Variants in ANK1 observed in about 807,000 individuals in gnomAD.
ANK1 encodes the protein ankyrin 1, also known as ankyrin-1.
Under a neutral mutation model 210.4 loss-of-function variants are expected in ANK1, and 51 were observed. The ratio of observed to expected loss-of-function variants is 0.24; its 90% CI spans 0.19 to 0.31. ANK1 has a LOEUF of 0.31. Ranked by LOEUF, ANK1 falls within the 10% of genes least tolerant of loss-of-function variation. ANK1 has a pLI of 1.00. For synonymous variants in ANK1, 967 were observed against 1,025.9 expected (o/e 0.94, Z 1.10); for missense variants, 2,051 against 2,504.4 (o/e 0.82, Z 3.86).
rs141069023 is a variant in ANK1, at chr8:41,696,698, C to G, written c.2713G>C (p.Val905Leu). ...CACCCTGTATGCACCGGGCTGGCCACCGGGCTGATGTTGTCTGAGGTCTCG... is the reference window on the plus strand; with the variant it reads ...CACCCTGTATGCACCGGGCTGGCCAGCGGGCTGATGTTGTCTGAGGTCTCG... ...ATETSDNISP[V>L]ASPVHTGFLV... Residue 905 changes from valine to leucine, a missense_variant, in exon 25 of 43, where the codon GTG becomes CTG. Val to Leu is a conservative substitution (Grantham distance 32). Around this residue, in one of 6 missense-constraint regions of ANK1, gnomAD observed 1,413 missense variants for 1,707.4 expected, o/e 0.83. Transcript: ENST00000289734. 6.2e-7 allele frequency: 1 copy of G among 1,603,504 alleles called. No individual in the cohort carries two copies. Among genetic ancestry groups the G allele is most frequent in the Non-Finnish European group, 8.5e-7 (1 of 1,179,920 alleles).
chr8:41,752,882 G>A (rs969102463), intron 2 of ANK1, among the ~76,000 whole-genome samples: 9 of 151,248 alleles, frequency 6.0e-5, no homozygotes, highest in Non-Finnish European at 1.0e-4. Context: ...CCCTGATCAC[G>A]TCACTCCTGT....
At chr8:41,808,619 C>T (rs767043665) in intron 1 of ANK1, among the ~76,000 whole-genome samples, 3 of 152,050 alleles carry the variant, frequency 2.0e-5, no homozygotes, top group Admixed American at 6.5e-5. Context: ...GAGTCAATAT[C>T]GTGCCCACTG....
chr8:41,815,333 T>C (rs1018453544), intron 1 of ANK1, among the ~76,000 whole-genome samples: 9 of 152,168 alleles, frequency 5.9e-5, no homozygotes, highest in African/African-American at 2.2e-4. Flanking sequence ...CACTATCTCT[T>C]ATTAAGACTA....
chr8:41,889,338 T>C (rs1359616872), intron 1 of ANK1, among the ~76,000 whole-genome samples: 2 of 152,204 alleles, frequency 1.3e-5, no homozygotes, highest in East Asian at 3.8e-4. Flanking sequence ...TGACAATGCA[T>C]GTCATGCACG....
At chr8:41,737,110 A>G (rs1025870) in intron 2 of ANK1, among the ~76,000 whole-genome samples, 66,533 of 152,054 alleles carry the variant, frequency 0.44, 16,760 homozygotes, top group South Asian at 0.59. Flanking sequence ...ACCAGCCGGG[A>G]CAGCATGGAG....
chr8:41,750,081 A>G (rs1252731169), intron 2 of ANK1, among the ~76,000 whole-genome samples: 1 of 152,260 alleles, frequency 6.6e-6, no homozygotes, highest in East Asian at 1.9e-4. Flanking sequence ...CGTAATTATC[A>G]CCATCACCAG....
Position 41,703,439 on chromosome 8 carries a change from TATATATATA to T in ANK1, c.2295+593_2295+601del, listed in dbSNP as rs1321732264. Among the ~76,000 whole-genome samples, 55 of 73,038 alleles carry T rather than the reference TATATATATA, an allele frequency of 7.5e-4. 2 individuals are homozygous for T. Among genetic ancestry groups the T allele is most frequent in the African/African-American group, 2.5e-3 (53 of 20,796 alleles). 47.9% of individuals were successfully genotyped at this position (73,038 alleles called of 152,430 possible). A position where few individuals can be genotyped will look rare whatever the true frequency, so the allele number is the denominator to read the frequency against. Reference sequence around the variant, plus strand: ...GTGTGTGTGTATATATATATATATATATATATATATATTTTTTTTTTTTTTTTAAGACAC... The same window carrying T: ...GTGTGTGTGTATATATATATATATATTATTTTTTTTTTTTTTTTAAGACAC... On this transcript the variant is annotated intron_variant, in intron 20 of 42. Coordinates refer to ENST00000289734, the MANE Select transcript of ANK1 (RefSeq NM_000037.4).
intron 1 of ANK1, among the ~76,000 whole-genome samples, chr8:41,895,310 A>C (rs551860171): frequency 6.6e-6 from 1 of 151,460 alleles, no homozygotes; most frequent in Non-Finnish European, 1.5e-5. Context: ...CTTCGGGTGA[A>C]AATAGCTCTC....
rs1822994728 is a variant in ANK1 at position 41,702,093 on chromosome 8, T to C, written c.2347A>G (p.Thr783Ala). The change falls in exon 21 of 43, where the codon ACC (threonine) becomes GCC (alanine). Residue 783 changes from threonine to alanine, a missense_variant. Around this residue, in one of 6 missense-constraint regions of ANK1, gnomAD observed 1,413 missense variants for 1,707.4 expected, o/e 0.83. Coordinates refer to ENST00000289734, the MANE Select transcript of ANK1 (RefSeq NM_000037.4). ...TCCGTGACGACCTTGAGCACGTCGG[T>C]GACAGAAATGTAGCCCAAGCGCTTG... ...IAKRLGYISVTDVLKVVTDET... is the reference protein window; with the variant it reads ...IAKRLGYISVADVLKVVTDET... 1.2e-6 allele frequency: 2 copies of C among 1,614,138 alleles called. No individual in the cohort carries two copies. Among genetic ancestry groups the C allele is most frequent in the Non-Finnish European group, 8.5e-7 (1 of 1,180,022 alleles).
intron 1 of ANK1, among the ~76,000 whole-genome samples, chr8:41,804,507 G>T (rs1329406715): frequency 6.6e-6 from 1 of 152,130 alleles, no homozygotes; most frequent in Non-Finnish European, 1.5e-5. Flanking sequence ...ATTGTCTCCA[G>T]TTTTAGTATC....
intron 36 of ANK1, 148 bp downstream of exon 36, chr8:41,686,004 T>A: frequency 7.7e-7 from 1 of 1,299,912 alleles, no homozygotes; most frequent in South Asian, 1.2e-5. Flanking sequence ...CTGGAAGACC[T>A]CCTGATGCGA....
At chr8:41,892,741 T>A (rs549855259) in intron 1 of ANK1, among the ~76,000 whole-genome samples, 6 of 152,302 alleles carry the variant, frequency 3.9e-5, no homozygotes, top group Non-Finnish European at 7.3e-5. Flanking sequence ...CCGGAACACA[T>A]GCCTGCAACC....
chr8:41,825,879 T>A (rs1437915982), intron 1 of ANK1, among the ~76,000 whole-genome samples: 5 of 152,182 alleles, frequency 3.3e-5, no homozygotes, highest in African/African-American at 9.6e-5. Context: ...GTGCCTTTGC[T>A]CTCCTTTGCC....
intron 38 of ANK1, among the ~76,000 whole-genome samples, chr8:41,672,068 A>G (rs1260281434): frequency 1.3e-5 from 2 of 151,834 alleles, no homozygotes; most frequent in Admixed American, 6.6e-5. Flanking sequence ...AATGTCCCTA[A>G]GTGAGCCCTC....
At chr8:41,825,180 G>A (rs1028919436) in intron 1 of ANK1, among the ~76,000 whole-genome samples, 18 of 152,180 alleles carry the variant, frequency 1.2e-4, no homozygotes, top group Non-Finnish European at 2.1e-4. Context: ...GCCACTGCTC[G>A]CCCGACTAGG....
Position 41,807,421 on chromosome 8 carries a change from C to T in ANK1, c.127-49284G>A, listed in dbSNP as rs118086368. Among the ~76,000 whole-genome samples, 4 of 152,296 alleles carry T rather than the reference C, an allele frequency of 2.6e-5. No individual in the cohort carries two copies. The East Asian group carries it at 5.8e-4, about 22-fold the overall frequency. ...GTTTATTTATGTTAATTTATACTCC[C>T]TTCAAGTCCAGCATTGGAAACAGAG... is the stretch of plus-strand genomic sequence containing the variant. On this transcript the variant is annotated intron_variant, in intron 1 of 42. Coordinates refer to the ANK1 transcript ENST00000265709.
chr8:41,825,381 C>T (rs1306357470), intron 1 of ANK1, among the ~76,000 whole-genome samples: 1 of 152,250 alleles, frequency 6.6e-6, no homozygotes, highest in Non-Finnish European at 1.5e-5. Context: ...ACCTCGCCAG[C>T]TCTGTCCCCC....
chr8:41,872,175 A>G (rs1255654072), intron 1 of ANK1, among the ~76,000 whole-genome samples: 1 of 152,150 alleles, frequency 6.6e-6, no homozygotes, highest in Non-Finnish European at 1.5e-5. Flanking sequence ...ATGACTTCTC[A>G]TCTTGTGCAG....
chr8:41,809,376 T>C (rs1254792440), intron 1 of ANK1, among the ~76,000 whole-genome samples: 1 of 152,226 alleles, frequency 6.6e-6, no homozygotes, highest in South Asian at 2.1e-4. Context: ...GTGGAGCAAT[T>C]AGCAAACGCG....
Sources: allele counts gnomAD v4.1 joint callset (sites outside exome capture counted in the v4.1 genomes callset), GRCh38; gene constraint gnomAD v4.1.1; regional missense constraint gnomAD v4.1.1; transcripts MANE v1.5; gene names NCBI Gene and HGNC (gene_info 2026-07-23, HGNC 2026-07-21).